Variants in PTPRD observed in about 807,000 individuals in gnomAD.
The protein encoded by PTPRD is protein tyrosine phosphatase receptor type D.
PTPRD carries 34 observed loss-of-function variants against 214.5 expected under a neutral mutation model. The ratio of observed to expected loss-of-function variants is 0.16; its 90% CI spans 0.12 to 0.21. The LOEUF (loss-of-function observed/expected upper bound fraction) is 0.21, where lower values mean the gene tolerates loss of function less well. PTPRD is among the 10% of genes least tolerant of loss of function. PTPRD has a pLI of 1.00. For missense variants in PTPRD, 2,545 were observed against 2,398.7 expected (o/e 1.06, Z -1.27); for synonymous variants, 1,128 against 845.7 (o/e 1.33, Z -5.79).
intron 11 of PTPRD, among the ~76,000 whole-genome samples, chr9:8,800,241 T>C (rs950751378): frequency 6.6e-6 from 1 of 152,058 alleles, no homozygotes; most frequent in Non-Finnish European, 1.5e-5. Flanking sequence ...TTAAGGCATG[T>C]ATATTTAAAA....
chr9:8,758,342 G>C (rs1347239133), intron 11 of PTPRD, among the ~76,000 whole-genome samples: 1 of 152,114 alleles, frequency 6.6e-6, no homozygotes, highest in African/African-American at 2.4e-5. Flanking sequence ...ACATACAATA[G>C]ATCCCTTAAG....
intron 9 of PTPRD, among the ~76,000 whole-genome samples, chr9:9,323,606 A>T (rs80171950): frequency 0.017 from 2,599 of 152,206 alleles, 74 homozygotes; most frequent in African/African-American, 0.06. Flanking sequence ...TCTTATCTCA[A>T]ACAAATTGGC....
intron 2 of PTPRD, among the ~76,000 whole-genome samples, chr9:10,477,662 C>T (rs551517120): frequency 1.3e-5 from 2 of 152,222 alleles, no homozygotes; most frequent in South Asian, 4.1e-4. Flanking sequence ...AATCATTCTA[C>T]TCTAAAAACA....
chr9:10,470,000 G>T (rs1231881187), intron 2 of PTPRD, among the ~76,000 whole-genome samples: 1 of 151,958 alleles, frequency 6.6e-6, no homozygotes. Context: ...CCAGAGGCTG[G>T]GTAGGGTATT....
At chr9:8,523,553 A>T in intron 18 of PTPRD, 29 bp from the exon 19 acceptor site, 1 of 1,612,506 alleles carries the variant, frequency 6.2e-7, no homozygotes, top group African/African-American at 1.3e-5. Flanking sequence ...TTGATGCAGA[A>T]CACAATGAAA....
chr9:10,212,976 C>A (rs2099524047), intron 3 of PTPRD, among the ~76,000 whole-genome samples: 2 of 152,114 alleles, frequency 1.3e-5, no homozygotes, highest in South Asian at 4.1e-4. Flanking sequence ...ACAACGTAAC[C>A]TTAATCTACC....
At chr9:9,027,972 A>T (rs1056463425) in intron 10 of PTPRD, among the ~76,000 whole-genome samples, 41 of 151,866 alleles carry the variant, frequency 2.7e-4, no homozygotes, top group African/African-American at 9.9e-4. Context: ...GTACACAAGG[A>T]CTCATTTCTT....
rs771904497 is a variant in PTPRD, at chr9:8,500,803, G to A, written c.2079C>T (p.Val693=). The A allele has an allele frequency of 1.6e-5, 26 of 1,613,998 alleles. No homozygotes were observed. In the South Asian group the frequency reaches 2.2e-4, roughly 14 times the overall value. Residue 693 remains valine, a synonymous_variant, in exon 24 of 46, where the codon GTC becomes GTT. Coordinates refer to ENST00000381196, the MANE Select transcript of PTPRD (RefSeq NM_002839.4). Reference sequence around the variant, plus strand: ...CGGACAAGCTCTCAGGGCCAGGGCCGACATCTGTATGGGCTGTCACAGTGA... The same window carrying A: ...CGGACAAGCTCTCAGGGCCAGGGCCAACATCTGTATGGGCTGTCACAGTGA... The part of the protein sequence containing the change: ...YRITVTAHTD[V]GPGPESLSVL...
chr9:10,263,903 C>A (rs973892138), intron 3 of PTPRD, among the ~76,000 whole-genome samples: 45 of 152,042 alleles, frequency 3.0e-4, no homozygotes, highest in Non-Finnish European at 6.5e-4. Flanking sequence ...CTGTTTGCTG[C>A]CTAGGGACTT....
At chr9:8,752,426 T>C (rs1308163011) in intron 11 of PTPRD, among the ~76,000 whole-genome samples, 1 of 152,214 alleles carries the variant, frequency 6.6e-6, no homozygotes, top group African/African-American at 2.4e-5. Context: ...ACTCCTTGTT[T>C]AGCATATCAT....
At chr9:8,860,496 T>A (rs2098082054) in intron 11 of PTPRD, 1 of 152,200 alleles carries the variant, frequency 6.6e-6, no homozygotes, top group Non-Finnish European at 1.5e-5. Flanking sequence ...GTCTGAGTTA[T>A]TATTATACCA....
chr9:10,295,703 A>T (rs1450360189), intron 3 of PTPRD, among the ~76,000 whole-genome samples: 1 of 152,062 alleles, frequency 6.6e-6, no homozygotes, highest in Non-Finnish European at 1.5e-5. Context: ...GGAATTCTTC[A>T]GATGTAATTA....
chr9:9,629,443 G>C (rs10977893), intron 7 of PTPRD, among the ~76,000 whole-genome samples: 21,628 of 151,826 alleles, frequency 0.14, 2,084 homozygotes, highest in African/African-American at 0.27. Flanking sequence ...CCAGAAAACT[G>C]TCTTTGAATC....
intron 11 of PTPRD, among the ~76,000 whole-genome samples, chr9:8,902,082 T>G (rs1407510014): frequency 6.6e-6 from 1 of 152,194 alleles, no homozygotes; most frequent in Non-Finnish European, 1.5e-5. Flanking sequence ...CTCTATTCAG[T>G]TATTTATGAG....
chr9:8,933,339 G>GTTTTTTTTTTTT (rs1567089304), intron 11 of PTPRD, among the ~76,000 whole-genome samples: 3 of 68,802 alleles, frequency 4.4e-5, no homozygotes, highest in East Asian at 5.9e-4. Context: ...ACAACCTTGA[G>GTTTTTTTTTTTT]GTTTTTTTTT....
chr9:9,188,363 T>C (rs1457642476), intron 9 of PTPRD, among the ~76,000 whole-genome samples: 4 of 152,066 alleles, frequency 2.6e-5, no homozygotes, highest in Admixed American at 2.6e-4. Flanking sequence ...TTGGTATGCA[T>C]GTTGTAGATA....
At chr9:10,029,915 G>A (rs2097021522) in intron 4 of PTPRD, among the ~76,000 whole-genome samples, 1 of 152,136 alleles carries the variant, frequency 6.6e-6, no homozygotes, top group African/African-American at 2.4e-5. Context: ...TCCATGTGTT[G>A]TGGGAGGGAC....
intron 8 of PTPRD, among the ~76,000 whole-genome samples, chr9:9,522,626 C>G (rs2097012645): frequency 6.6e-6 from 1 of 152,060 alleles, no homozygotes; most frequent in Non-Finnish European, 1.5e-5. Flanking sequence ...AAGGGAAAAA[C>G]CATGCTCTCT....
At chr9:9,770,609 T>C (rs1178863296) in intron 5 of PTPRD, among the ~76,000 whole-genome samples, 1 of 152,168 alleles carries the variant, frequency 6.6e-6, no homozygotes, top group Non-Finnish European at 1.5e-5. Context: ...GTCTCATTCC[T>C]ATCATAATAC....
Sources: allele counts gnomAD v4.1 joint callset (sites outside exome capture counted in the v4.1 genomes callset), GRCh38; gene constraint gnomAD v4.1.1; transcripts MANE v1.5; gene names NCBI Gene and HGNC (gene_info 2026-07-23, HGNC 2026-07-21).